The following SLC35F4 variants were observed in gnomAD, a reference collection of about 807,000 sequenced individuals.
SLC35F4 encodes the protein chromosome 14 open reading frame 36.
In SLC35F4, 24 loss-of-function variants were observed where a neutral mutation model predicts 44.2. The ratio of observed to expected loss-of-function variants is 0.54; its 90% CI spans 0.39 to 0.76. The LOEUF is 0.76. Ranked by LOEUF, SLC35F4 falls within the 30% of genes least tolerant of loss-of-function variation. SLC35F4 has a pLI of 0.00. For missense variants in SLC35F4, 562 were observed against 586.1 expected, an observed-to-expected ratio of 0.96 and a Z score of 0.42; for synonymous variants, 238 against 223.6, an observed-to-expected ratio of 1.06 and a Z score of -0.57.
At chr14:57,682,710 T>G (rs1469417748) in intron 1 of SLC35F4, among the ~76,000 whole-genome samples, 1 of 152,068 alleles carries the variant, frequency 6.6e-6, no homozygotes, top group African/African-American at 2.4e-5. Flanking sequence ...TAATACCCAG[T>G]GTTGGTGTGG....
chr14:57,967,404 T>C (rs1348681048), intron 1 of SLC35F4, among the ~76,000 whole-genome samples: 1 of 152,230 alleles, frequency 6.6e-6, no homozygotes, highest in Non-Finnish European at 1.5e-5. Flanking sequence ...CTATTCCATA[T>C]GGTTACATGC....
At chr14:57,704,694 C>T (rs1255907054) in intron 1 of SLC35F4, among the ~76,000 whole-genome samples, 1 of 152,142 alleles carries the variant, frequency 6.6e-6, no homozygotes, top group Non-Finnish European at 1.5e-5. Flanking sequence ...CTAAGATATA[C>T]TCTCCCTACA....
At chr14:57,969,403 T>C (rs1205475075) in intron 1 of SLC35F4, among the ~76,000 whole-genome samples, 1 of 152,250 alleles carries the variant, frequency 6.6e-6, no homozygotes. Flanking sequence ...TGTCTTATCC[T>C]TTAATTGAAC....
chr14:57,726,005 G>C (rs539155325), intron 1 of SLC35F4, among the ~76,000 whole-genome samples: 89 of 152,258 alleles, frequency 5.8e-4, no homozygotes, highest in African/African-American at 2.1e-3. Flanking sequence ...CATTAAACTA[G>C]AAGTTAGGAT....
rs118098046 is a variant in SLC35F4 at position 57,652,836 on chromosome 14, G to T, written c.104-58712C>A. On this transcript the variant is annotated intron_variant, in intron 1 of 7. Transcript: ENST00000556826. ...CTGATGAGGCTCTGGAAGTATAAGTGTGAGAGGAAGAGGGAGATGATTTGT... is the reference window on the plus strand; with the variant it reads ...CTGATGAGGCTCTGGAAGTATAAGTTTGAGAGGAAGAGGGAGATGATTTGT... Among the ~76,000 whole-genome samples the T allele has an allele frequency of 2.4e-4, 36 of 152,344 alleles. 1 individual carries two copies. The East Asian group carries it at 6.9e-3, about 29-fold the overall frequency.
rs1336708245 is a variant in SLC35F4 at position 57,594,233 on chromosome 14, A to G, written c.104-109T>C. On this transcript the variant is annotated intron_variant, in intron 1 of 7. Coordinates refer to ENST00000556826, the MANE Select transcript of SLC35F4 (RefSeq NM_001306087.2). The stretch of plus-strand genomic sequence containing the variant: ...GAAACAGGGTCTCACTCTGTCACCC[A>G]GGCTAGAGTGCAGTGGTGTGATCTC... The G allele has an allele frequency of 6.5e-6, 7 of 1,084,532 alleles. No individual in the cohort carries two copies. The East Asian group carries it at 1.8e-4, about 28-fold the overall frequency. The allele number at this position is 1,084,532 out of a possible 1,614,324, so 67.2% of individuals were successfully genotyped here.
intron 1 of SLC35F4, among the ~76,000 whole-genome samples, chr14:57,845,596 A>C (rs1191270269): frequency 6.6e-6 from 1 of 152,196 alleles, no homozygotes; most frequent in African/African-American, 2.4e-5. Context: ...TTTTCTATTG[A>C]AAGCCACAGG....
intron 1 of SLC35F4, among the ~76,000 whole-genome samples, chr14:57,701,416 T>C (rs1314451928): frequency 2.6e-5 from 4 of 152,210 alleles, no homozygotes; most frequent in Non-Finnish European, 5.9e-5. Context: ...TCTAAAACAA[T>C]GATAAAAAGT....
Position 57,593,461 on chromosome 14 carries a change from C to G in SLC35F4, c.289+478G>C, listed in dbSNP as rs2070312163. 2.6e-5 allele frequency among the ~76,000 whole-genome samples: 4 copies of G among 152,144 alleles called. 1 individual carries two copies. The South Asian group carries it at 8.3e-4, about 31-fold the overall frequency. On this transcript the variant is annotated intron_variant, in intron 2 of 7. Transcript: ENST00000556826. ...GATCAGAAAATGCTGATCAGGGAAG[C>G]CAGTGAAGTCTCCTGCAGAAAGTAT...
chr14:57,894,663 T>G (rs1282019780), intron 1 of SLC35F4, among the ~76,000 whole-genome samples: 1 of 152,274 alleles, frequency 6.6e-6, no homozygotes, highest in East Asian at 1.9e-4. Context: ...TATTGCAGAA[T>G]TTTTATAAAA....
chr14:57,858,240 T>C (rs1294102265), intron 1 of SLC35F4, among the ~76,000 whole-genome samples: 2 of 152,034 alleles, frequency 1.3e-5, no homozygotes, highest in Non-Finnish European at 2.9e-5. Context: ...CGTATGTTTA[T>C]TGTGGCACTA....
At chr14:57,619,855 G>A (rs183783558) in intron 1 of SLC35F4, among the ~76,000 whole-genome samples, 7 of 152,180 alleles carry the variant, frequency 4.6e-5, no homozygotes, top group Non-Finnish European at 7.4e-5. Flanking sequence ...CATATAACCT[G>A]ATGAAGCTGA....
At chr14:57,680,355 G>A (rs1201076667) in intron 1 of SLC35F4, among the ~76,000 whole-genome samples, 2 of 151,938 alleles carry the variant, frequency 1.3e-5, no homozygotes, top group African/African-American at 2.4e-5. Context: ...AATAAACTAA[G>A]CGTTGATGGA....
intron 1 of SLC35F4, among the ~76,000 whole-genome samples, chr14:57,688,663 G>T (rs986279937): frequency 7.2e-5 from 11 of 152,206 alleles, no homozygotes; most frequent in Admixed American, 2.6e-4. Flanking sequence ...ACCATATTTA[G>T]ACATCAAGGT....
chr14:57,771,055 T>C (rs1290161601), intron 1 of SLC35F4, among the ~76,000 whole-genome samples: 1 of 152,216 alleles, frequency 6.6e-6, no homozygotes, highest in Admixed American at 6.5e-5. Flanking sequence ...TCATAACCAA[T>C]TTCTGTATCA....
intron 1 of SLC35F4, among the ~76,000 whole-genome samples, chr14:57,853,880 G>A (rs1172424590): frequency 1.3e-5 from 2 of 152,168 alleles, no homozygotes; most frequent in Non-Finnish European, 2.9e-5. Context: ...ACTCCCCGGT[G>A]TCTTTTCAAT....
At chr14:57,917,666 T>TTTTTCA (rs1454677322) in intron 1 of SLC35F4, among the ~76,000 whole-genome samples, 2 of 152,248 alleles carry the variant, frequency 1.3e-5, no homozygotes, top group East Asian at 3.9e-4. Context: ...ATTAGGTCTT[T>TTTTTCA]TTTTCATTTT....
At chr14:57,602,960 T>C (rs752191484) in intron 1 of SLC35F4, among the ~76,000 whole-genome samples, 11 of 152,160 alleles carry the variant, frequency 7.2e-5, no homozygotes, top group Non-Finnish European at 1.3e-4. Context: ...AAGTCTAAAG[T>C]TGTTTTCCTA....
At chr14:57,696,372 A>T (rs960206064) in intron 1 of SLC35F4, among the ~76,000 whole-genome samples, 1 of 152,244 alleles carries the variant, frequency 6.6e-6, no homozygotes, top group Admixed American at 6.5e-5. Flanking sequence ...ATGAGATACC[A>T]TCTCACACCA....
Sources: gnomAD v4.1 joint callset for allele counts (sites outside exome capture counted in the v4.1 genomes callset) on GRCh38, gnomAD v4.1.1 for gene constraint, MANE v1.5 for transcripts, NCBI Gene and HGNC (gene_info 2026-07-23, HGNC 2026-07-21) for gene names.